NICN1: variants seen among roughly 807,000 people sequenced by gnomAD.
NICN1 encodes the protein nicolin 1, tubulin polyglutamylase complex subunit.
Under a neutral mutation model 26.3 loss-of-function variants are expected in NICN1, and 18 were observed. That is an observed-to-expected ratio of 0.68 (90% CI 0.47 to 1.01). The LOEUF is 1.01. Ranked by LOEUF, NICN1 falls within the 50% of genes least tolerant of loss-of-function variation. The probability of loss-of-function intolerance (pLI) is 0.00; values close to 1 mark genes in which losing one functional copy is unlikely to be tolerated. For missense variants in NICN1, 239 were observed against 278.3 expected (o/e 0.86, Z 1.00); for synonymous variants, 109 against 111.0 (o/e 0.98, Z 0.11).
chr3:49,426,027 A>G (rs974338700), intron 2 of NICN1, 31 bp from the exon 3 acceptor site: 1 of 1,446,316 alleles, frequency 6.9e-7, no homozygotes, highest in Middle Eastern at 1.7e-4. Flanking sequence ...CCCAGCAAGG[A>G]TCCAGCTCAC....
chr3:49,427,062 C>T (rs2049176298), intron 1 of NICN1, among the ~76,000 whole-genome samples: 1 of 152,168 alleles, frequency 6.6e-6, no homozygotes, highest in African/African-American at 2.4e-5. Flanking sequence ...TGGCTCAAGC[C>T]TGTAATCCCA....
At chr3:49,425,256 C>T in intron 4 of NICN1, 111 bp downstream of exon 4, 1 of 963,822 alleles carries the variant, frequency 1.0e-6, no homozygotes, top group Non-Finnish European at 1.6e-6. Context: ...AGGAAGATAA[C>T]ACCCAAGGGC....
chr3:49,425,865 G>C lies in NICN1; in HGVS notation c.423+18C>G. On this transcript the variant is annotated intron_variant, in intron 3 of 5. Coordinates refer to ENST00000273598, the MANE Select transcript of NICN1 (RefSeq NM_032316.3). The stretch of plus-strand genomic sequence containing the variant: ...TTTCTGGGGAAAGGGCCAGCCAGCA[G>C]CTGAGCTAGTCACTTACCTTTGGTC... 7.2e-7 allele frequency: 1 copy of C among 1,384,618 alleles called. No homozygotes were observed. Among genetic ancestry groups the C allele is most frequent in the Non-Finnish European group, 1.0e-6 (1 of 979,730 alleles). The allele number at this position is 1,384,618 out of a possible 1,614,324, so 85.8% of individuals were successfully genotyped here.
At position 49,426,010 on chromosome 3, in the gene NICN1, ACAAGGACCCAG is replaced by A; in HGVS notation, c.310-25_310-15del. 6.5e-7 allele frequency: 1 copy of A among 1,532,650 alleles called. No homozygotes were observed. The highest frequency in any genetic ancestry group is 9.0e-7 in the Non-Finnish European group (1 of 1,108,486). 94.9% of individuals were successfully genotyped at this position (1,532,650 alleles called of 1,614,324 possible). ...GTCACACAGCATCTGACACACACACACAAGGACCCAGCAAGGATCCAGCTCACTGCCCAGAA... is the reference window on the plus strand; with the variant it reads ...GTCACACAGCATCTGACACACACACACAAGGATCCAGCTCACTGCCCAGAA... On this transcript the variant is annotated splice_polypyrimidine_tract_variant and intron_variant, in intron 2 of 5. Coordinates refer to ENST00000273598, the MANE Select transcript of NICN1 (RefSeq NM_032316.3).
rs1287020919 is a variant in NICN1, at chr3:49,423,022, T to A, written c.*1811A>T. The stretch of plus-strand genomic sequence containing the variant: ...GGACACAGCCACGAATGAAGCATGG[T>A]CCCTGCTACCACAAGGTCCTCTTCA... On this transcript the variant is annotated 3_prime_UTR_variant, in exon 6 of 6. Transcript: ENST00000273598. 4.7e-6 allele frequency: 1 copy of A among 213,592 alleles called. No homozygotes were observed. Among genetic ancestry groups the A allele is most frequent in the Admixed American group, 5.2e-5 (1 of 19,070 alleles). The allele number at this position is 213,592 out of a possible 1,614,324, so 13.2% of individuals were successfully genotyped here.
Position 49,429,162 on chromosome 3 carries a change from G to C in NICN1, c.78C>G (p.Gly26=). Residue 26 remains glycine (G), a synonymous_variant, in exon 1 of 6, where the codon GGC becomes GGG. Coordinates refer to ENST00000273598, the MANE Select transcript of NICN1 (RefSeq NM_032316.3). ...CATCGATGACCAGCACGCCAGGCCG[G>C]CCTTGGGAGGTCCGCACGTCGCCCA... The part of the protein sequence containing the change: ...LQVGDVRTSQ[G]RPGVLVIDVT... 3.7e-6 allele frequency: 6 copies of C among 1,611,418 alleles called. No individual in the cohort carries two copies. Among genetic ancestry groups the C allele is most frequent in the Non-Finnish European group, 4.2e-6 (5 of 1,178,914 alleles).
rs1455600296 is a variant in NICN1 at position 49,423,582 on chromosome 3, C to A, written c.*1251G>T. On this transcript the variant is annotated 3_prime_UTR_variant, in exon 6 of 6. Coordinates refer to ENST00000273598, the MANE Select transcript of NICN1 (RefSeq NM_032316.3). ...GACCAGCCTGACCAACATGGAGAAA[C>A]CCCATCTCTACTACAAATACAAAAT... 4 of 152,170 alleles carry A rather than the reference C, an allele frequency of 2.6e-5. No individual in the cohort carries two copies. The highest frequency in any genetic ancestry group is 1.5e-5 in the Non-Finnish European group (1 of 68,066). 9.4% of individuals were successfully genotyped at this position (152,170 alleles called of 1,614,324 possible). A position where few individuals can be genotyped will look rare whatever the true frequency, so the allele number is the denominator to read the frequency against.
Position 49,426,078 on chromosome 3 carries a change from C to T in NICN1, c.310-82G>A, listed in dbSNP as rs1232609236. The T allele has an allele frequency of 2.5e-5, 28 of 1,136,758 alleles. No individual in the cohort carries two copies. In the East Asian group the frequency reaches 2.7e-4, roughly 11 times the overall value. The allele number at this position is 1,136,758 out of a possible 1,614,324, so 70.4% of individuals were successfully genotyped here. ...CAACCAGCAATGAGCCAGAATGCTG[C>T]CCACCCCACAGGCCTTGGGAAGGAA... On this transcript the variant is annotated intron_variant, in intron 2 of 5. Coordinates refer to ENST00000273598, the MANE Select transcript of NICN1 (RefSeq NM_032316.3).
In NICN1 at chr3:49,425,234, A is replaced by T; in HGVS notation, c.495+133T>A. The T allele has an allele frequency of 7.0e-6, 6 of 859,614 alleles. No individual in the cohort carries two copies. The South Asian group carries it at 8.6e-5, about 12-fold the overall frequency. The allele number at this position is 859,614 out of a possible 1,614,324, so 53.2% of individuals were successfully genotyped here. A position where few individuals can be genotyped will look rare whatever the true frequency, so the allele number is the denominator to read the frequency against. Reference sequence around the variant, plus strand: ...ACAACAGAGATGCCTCAAATCCCACAGAATACCCAGGAGGAAGATAACACC... The same window carrying T: ...ACAACAGAGATGCCTCAAATCCCACTGAATACCCAGGAGGAAGATAACACC... On this transcript the variant is annotated intron_variant, in intron 4 of 5. Coordinates refer to ENST00000273598, the MANE Select transcript of NICN1 (RefSeq NM_032316.3).
chr3:49,426,942 A>G (rs914575042), intron 1 of NICN1, among the ~76,000 whole-genome samples: 25 of 152,228 alleles, frequency 1.6e-4, no homozygotes, highest in Non-Finnish European at 2.8e-4. Flanking sequence ...AGATGCTGCT[A>G]GAGAGCAGCG....
At chr3:49,427,037 C>T (rs910692678) in intron 1 of NICN1, among the ~76,000 whole-genome samples, 1 of 152,068 alleles carries the variant, frequency 6.6e-6, no homozygotes, top group Non-Finnish European at 1.5e-5. Flanking sequence ...ATGTAGAAAA[C>T]GTGGCCGGGC....
rs901293646 is a variant in NICN1 at position 49,424,095 on chromosome 3, C to T, written c.*738G>A. ...TGAACTCCTGACCTCAGGTGATCCG[C>T]CTGCCTGGGCCTCCCAAAGTGCTGG... On this transcript the variant is annotated 3_prime_UTR_variant, in exon 6 of 6. Transcript: ENST00000273598. 2 of 152,298 alleles carry T rather than the reference C, an allele frequency of 1.3e-5. No homozygotes were observed. Among genetic ancestry groups the T allele is most frequent in the South Asian group, 2.1e-4 (1 of 4,834 alleles). 9.4% of individuals were successfully genotyped at this position (152,298 alleles called of 1,614,324 possible). A position where few individuals can be genotyped will look rare whatever the true frequency, so the allele number is the denominator to read the frequency against.
rs200840185 is a variant in NICN1, at chr3:49,425,372, G to A, written c.490C>T (p.Arg164Cys). ...PVPCEQPALL[R>C]EGLPDPSRVS... ...TACCTAGGGTGAGGGCTTACCTCAC[G>A]GAGGAGTGCAGGTTGCTCACAGGGC... The change falls in exon 4 of 6, where the codon CGT becomes TGT. Residue 164 changes from arginine to cysteine, a missense_variant. Physicochemically the swap from Arg to Cys is radical, Grantham distance 180. Transcript: ENST00000273598. 2.7e-5 allele frequency: 43 copies of A among 1,612,292 alleles called. No individual in the cohort carries two copies. The highest frequency in any genetic ancestry group is 1.8e-4 in the Admixed American group (11 of 59,778).
chr3:49,426,528 T>TA, intron 1 of NICN1, 100 bp from the exon 2 acceptor site: 26 of 849,414 alleles, frequency 3.1e-5, no homozygotes, highest in Non-Finnish European at 3.8e-5. Flanking sequence ...CCCCACCTTT[T>TA]CTTTTTTTTT....
rs544232394 is a variant in NICN1 at position 49,422,657 on chromosome 3, G to C, written c.*2176C>G. 1 of 704,026 alleles carries C rather than the reference G, an allele frequency of 1.4e-6. No homozygotes were observed. The highest frequency in any genetic ancestry group is 1.5e-5 in the South Asian group (1 of 66,722). 43.6% of individuals were successfully genotyped at this position (704,026 alleles called of 1,614,324 possible). On this transcript the variant is annotated 3_prime_UTR_variant, in exon 6 of 6. Transcript: ENST00000273598. ...CAGGGAAGAAGCCTCCAGCTCTTTCGGCTGACTCTTCAGGGCAGCTCGGGC... is the reference window on the plus strand; with the variant it reads ...CAGGGAAGAAGCCTCCAGCTCTTTCCGCTGACTCTTCAGGGCAGCTCGGGC...
Position 49,424,671 on chromosome 3 carries a change from C to G in NICN1, c.*162G>C. The G allele has an allele frequency of 1.5e-6, 1 of 665,120 alleles. No individual in the cohort carries two copies. The highest frequency in any genetic ancestry group is 2.7e-5 in the East Asian group (1 of 37,128). The allele number at this position is 665,120 out of a possible 1,614,324, so 41.2% of individuals were successfully genotyped here. On this transcript the variant is annotated 3_prime_UTR_variant, in exon 6 of 6. Transcript: ENST00000273598. ...ATGCCAGGAGCTCATGCTGAAGTAA[C>G]ACGGTAAGCCCCTGAGAATCCTGAA...
At position 49,422,366 on chromosome 3, in the gene NICN1, C is replaced by G; in HGVS notation, c.*2467G>C. 2 of 1,611,628 alleles carry G rather than the reference C, an allele frequency of 1.2e-6. No homozygotes were observed. The highest frequency in any genetic ancestry group is 1.7e-6 in the Non-Finnish European group (2 of 1,179,148). ...ATCAGCACCCTCTATCCCACCTGTG[C>G]GCAACTAAGTGGACGACACAAGGCC... On this transcript the variant is annotated 3_prime_UTR_variant, in exon 6 of 6. Transcript: ENST00000273598.
chr3:49,429,033 A>G, intron 1 of NICN1, 75 bp downstream of exon 1: 1 of 1,410,016 alleles, frequency 7.1e-7, no homozygotes, highest in Non-Finnish European at 9.6e-7. Context: ...TAAAAGATTA[A>G]ATGCCTGGGA....
chr3:49,425,129 G>A, intron 4 of NICN1, 76 bp from the exon 5 acceptor site: 1 of 1,227,824 alleles, frequency 8.1e-7, no homozygotes, highest in Middle Eastern at 1.9e-4. Flanking sequence ...AGGCCAACCT[G>A]GGCTAGGGGC....
Sources: allele counts gnomAD v4.1 joint callset (sites outside exome capture counted in the v4.1 genomes callset), GRCh38; gene constraint gnomAD v4.1.1; transcripts MANE v1.5; gene names NCBI Gene and HGNC (gene_info 2026-07-23, HGNC 2026-07-21).